CELF2: variants seen among roughly 807,000 people sequenced by gnomAD.
The protein encoded by CELF2 is CUG triplet repeat RNA-binding protein 2.
A neutral mutation model predicts 62.6 loss-of-function variants in CELF2; 8 were observed. The observed-to-expected ratio is 0.13, with a 90% CI of 0.07 to 0.23. The LOEUF is 0.23. Among genes scored for constraint, CELF2 ranks in the 10% least tolerant of loss-of-function variants. The pLI is 1.00. For synonymous variants in CELF2, 258 were observed against 250.0 expected, an observed-to-expected ratio of 1.03 and a Z score of -0.30; for missense variants, 333 against 671.0, an observed-to-expected ratio of 0.50 and a Z score of 5.56.
the CELF2 span, among the ~76,000 whole-genome samples, chr10:10,703,550 T>G: frequency 1.3e-5 from 2 of 152,234 alleles, no homozygotes; most frequent in Non-Finnish European, 2.9e-5. Context: ...ATCAATGGTC[T>G]GGCACTGGCT....
the CELF2 span, among the ~76,000 whole-genome samples, chr10:10,480,260 C>T: frequency 1.8e-4 from 27 of 152,312 alleles, no homozygotes; most frequent in Non-Finnish European, 2.8e-4. Context: ...GCCTCTGAGT[C>T]ATGTCTGAAG....
the CELF2 span, among the ~76,000 whole-genome samples, chr10:10,693,876 A>G: frequency 1.6e-5 from 2 of 125,160 alleles, no homozygotes; most frequent in Admixed American, 8.2e-5. Flanking sequence ...ATCATTTTTT[A>G]TTGCGTCTAT....
intron 7 of CELF2, among the ~76,000 whole-genome samples, chr10:11,272,104 T>C (rs2084034961): frequency 6.6e-6 from 1 of 152,166 alleles, no homozygotes; most frequent in Non-Finnish European, 1.5e-5. Flanking sequence ...TGGTATATAA[T>C]AGCTCTTCAG....
chr10:11,320,641 C>T (rs141109206), intron 10 of CELF2, among the ~76,000 whole-genome samples: 1 of 152,308 alleles, frequency 6.6e-6, no homozygotes, highest in East Asian at 1.9e-4. Flanking sequence ...ACTCCTCAAA[C>T]TGCAGGTCCA....
In CELF2 at chr10:11,268,896, A is replaced by G. The variant is rs1338116645; in HGVS notation, c.619-1770A>G. 2.0e-5 allele frequency among the ~76,000 whole-genome samples: 3 copies of G among 152,196 alleles called. No homozygotes were observed. The highest frequency in any genetic ancestry group is 7.2e-5 in the African/African-American group (3 of 41,452). ...AGGTCTTAAAAACAATTAATTTTAT[A>G]TCGTGCCTTCTGTTTCTCCACTTGC... On this transcript the variant is annotated intron_variant, in intron 6 of 12. Coordinates refer to ENST00000633077, the MANE Select transcript of CELF2 (RefSeq NM_001326342.2). This position sits in a 1 kb window ranked among gnomAD's most constrained non-coding sequence, Gnocchi z 4.7.
chr10:10,525,757 G>A, the CELF2 span, among the ~76,000 whole-genome samples: 10 of 152,264 alleles, frequency 6.6e-5, no homozygotes, highest in East Asian at 3.9e-4. Context: ...GATGGATTCC[G>A]TATCTTTCCT....
At chr10:10,853,220 A>G (rs1197067632) in intron 1 of CELF2, among the ~76,000 whole-genome samples, 2 of 152,160 alleles carry the variant, frequency 1.3e-5, no homozygotes, top group Admixed American at 6.5e-5. Context: ...ACCTCAGGCA[A>G]TCTGCCCACC....
the CELF2 span, among the ~76,000 whole-genome samples, chr10:10,533,511 T>C: frequency 6.6e-6 from 1 of 152,230 alleles, no homozygotes; most frequent in Non-Finnish European, 1.5e-5. Flanking sequence ...TTTCAAGAGC[T>C]AAAACTACAT....
intron 2 of CELF2, among the ~76,000 whole-genome samples, chr10:10,968,553 G>A (rs1174999335): frequency 1.3e-5 from 2 of 152,114 alleles, no homozygotes; most frequent in Non-Finnish European, 2.9e-5. Flanking sequence ...GAGTGTACAG[G>A]GAGCAGGGTT....
chr10:11,171,103 A>G (rs1204187758), intron 2 of CELF2, among the ~76,000 whole-genome samples: 1 of 152,238 alleles, frequency 6.6e-6, no homozygotes, highest in Non-Finnish European at 1.5e-5. Context: ...TTTGTTGACT[A>G]TCACTACGTA....
intron 8 of CELF2, among the ~76,000 whole-genome samples, chr10:11,287,802 C>A (rs552763179): frequency 6.6e-6 from 1 of 152,350 alleles, no homozygotes; most frequent in East Asian, 1.9e-4. Flanking sequence ...TTGCTTTCAT[C>A]ATCTTATTTA....
the CELF2 span, among the ~76,000 whole-genome samples, chr10:10,604,289 G>C: frequency 6.6e-6 from 1 of 152,228 alleles, no homozygotes; most frequent in African/African-American, 2.4e-5. Context: ...ATTTCGCATT[G>C]TTGCTGTGGT....
At chr10:10,927,937 T>C (rs2065697111) in intron 2 of CELF2, among the ~76,000 whole-genome samples, 1 of 152,182 alleles carries the variant, frequency 6.6e-6, no homozygotes, top group Admixed American at 6.5e-5. Context: ...TCCTATTGCT[T>C]AGAATAAAAT....
chr10:10,971,601 T>G (rs1376562009), intron 2 of CELF2, among the ~76,000 whole-genome samples: 3 of 152,180 alleles, frequency 2.0e-5, no homozygotes, highest in Non-Finnish European at 4.4e-5. Flanking sequence ...TGTTGTTTTG[T>G]TTACAGACAG....
chr10:11,108,724 G>A (rs146417244), intron 1 of CELF2, among the ~76,000 whole-genome samples: 28 of 152,270 alleles, frequency 1.8e-4, no homozygotes, highest in African/African-American at 6.3e-4. Context: ...ACTTGGTGTT[G>A]ACTTTCTCAT....
the CELF2 span, among the ~76,000 whole-genome samples, chr10:10,472,563 A>G: frequency 1.1e-4 from 16 of 151,916 alleles, no homozygotes; most frequent in African/African-American, 3.9e-4. Context: ...ATTGTGAGTC[A>G]GTTTCTATTT....
At chr10:10,510,771 A>G in the CELF2 span, among the ~76,000 whole-genome samples, 1 of 152,178 alleles carries the variant, frequency 6.6e-6, no homozygotes, top group African/African-American at 2.4e-5. Context: ...CAGTTGATGG[A>G]CTCTTCTGGA....
chr10:11,228,132 G>A lies in CELF2; in HGVS notation c.354+10625G>A, dbSNP rs186757750. Among the ~76,000 whole-genome samples, 5 of 152,270 alleles carry A rather than the reference G, an allele frequency of 3.3e-5. No homozygotes were observed. The South Asian group carries it at 1.0e-3, about 32-fold the overall frequency. On this transcript the variant is annotated intron_variant, in intron 3 of 12. Coordinates refer to ENST00000633077, the MANE Select transcript of CELF2 (RefSeq NM_001326342.2). Reference sequence around the variant, plus strand: ...CAGAACAGTAGTCACAGAACCTCAGGATGTTTCTAGCATATTTTGGCTTAT... The same window carrying A: ...CAGAACAGTAGTCACAGAACCTCAGAATGTTTCTAGCATATTTTGGCTTAT...
At position 11,321,093 on chromosome 10, in the gene CELF2, C is replaced by A; in HGVS notation, c.1097-96C>A. 1 of 1,354,790 alleles carries A rather than the reference C, an allele frequency of 7.4e-7. No individual in the cohort carries two copies. The highest frequency in any genetic ancestry group is 1.1e-6 in the Non-Finnish European group (1 of 952,300). The allele number at this position is 1,354,790 out of a possible 1,614,324, so 83.9% of individuals were successfully genotyped here. On this transcript the variant is annotated intron_variant, in intron 10 of 12. Transcript: ENST00000633077. This position sits in a 1 kb window ranked among gnomAD's most constrained non-coding sequence, Gnocchi z 6.2. ...ATTGTGTGCTAGCTGCATGTACTTG[C>A]TGTTGTACTGTGTTTAAATGATTCT... is the stretch of plus-strand genomic sequence containing the variant.
Sources: allele counts gnomAD v4.1 joint callset (sites outside exome capture counted in the v4.1 genomes callset), GRCh38; gene constraint gnomAD v4.1.1; non-coding constraint Gnocchi (gnomAD v3.1); transcripts MANE v1.5; gene names NCBI Gene and HGNC (gene_info 2026-07-23, HGNC 2026-07-21).